The following PDE4D variants were observed in gnomAD, a reference collection of about 807,000 sequenced individuals.
PDE4D encodes 3',5'-cyclic-AMP phosphodiesterase 4D.
PDE4D carries 24 observed loss-of-function variants against 87.4 expected under a neutral mutation model. That is an observed-to-expected ratio of 0.27 (90% CI 0.20 to 0.39). The LOEUF (loss-of-function observed/expected upper bound fraction) is 0.39. PDE4D is among the 10% of genes least tolerant of loss of function. The pLI is 1.00. For synonymous variants in PDE4D, 384 were observed against 383.2 expected (o/e 1.00, Z -0.02); for missense variants, 714 against 1,041.0 (o/e 0.69, Z 4.32).
intron 1 of PDE4D, among the ~76,000 whole-genome samples, chr5:59,335,016 C>T (rs1309353619): frequency 6.6e-6 from 1 of 152,126 alleles, no homozygotes; most frequent in Non-Finnish European, 1.5e-5. Context: ...TTCCAGCAGC[C>T]TTGATTTCCC....
intron 1 of PDE4D, among the ~76,000 whole-genome samples, chr5:59,223,607 A>G (rs571338348): frequency 6.6e-6 from 1 of 152,234 alleles, no homozygotes; most frequent in East Asian, 1.9e-4. Flanking sequence ...AAGGTTATGA[A>G]GCTCGTTTCT....
chr5:59,079,883 A>AGGAGAGG (rs1441650894), intron 5 of PDE4D, among the ~76,000 whole-genome samples: 1 of 102,112 alleles, frequency 9.8e-6, no homozygotes, highest in Non-Finnish European at 2.1e-5. Context: ...AGGAGAGGAG[A>AGGAGAGG]AGGGGAATGG....
At chr5:60,320,600 G>C (rs965163734) in intron 1 of PDE4D, among the ~76,000 whole-genome samples, 1 of 152,144 alleles carries the variant, frequency 6.6e-6, no homozygotes, top group Non-Finnish European at 1.5e-5. Context: ...GACTGGAGCT[G>C]TTCCTATTCA....
chr5:60,517,561 G>A (rs747304792), intron 1 of PDE4D, among the ~76,000 whole-genome samples: 5 of 152,206 alleles, frequency 3.3e-5, no homozygotes, highest in Non-Finnish European at 5.9e-5. Flanking sequence ...CCTGCAGAGA[G>A]GAGCTACCCA....
intron 1 of PDE4D, among the ~76,000 whole-genome samples, chr5:60,303,280 T>C (rs964036410): frequency 4.0e-5 from 6 of 151,818 alleles, no homozygotes; most frequent in African/African-American, 1.5e-4. Flanking sequence ...TCAATTGCCA[T>C]GTAATTGTGT....
At chr5:59,401,566 AG>A in intron 1 of PDE4D, among the ~76,000 whole-genome samples, 1 of 151,978 alleles carries the variant, frequency 6.6e-6, no homozygotes, top group South Asian at 2.1e-4. Flanking sequence ...TGCAATTGAG[AG>A]ATGAGCTTTA....
intron 1 of PDE4D, among the ~76,000 whole-genome samples, chr5:59,254,357 C>A (rs1386907239): frequency 6.6e-6 from 1 of 152,060 alleles, no homozygotes; most frequent in Admixed American, 6.6e-5. Context: ...TTGAATAAAA[C>A]ATTTAAGAAA....
chr5:59,259,400 T>C (rs1002351756), intron 1 of PDE4D, among the ~76,000 whole-genome samples: 4 of 151,980 alleles, frequency 2.6e-5, no homozygotes, highest in African/African-American at 7.2e-5. Context: ...GGAATTTTAA[T>C]AGCTCAGCTC....
intron 5 of PDE4D, among the ~76,000 whole-genome samples, chr5:59,074,341 C>A (rs1190290123): frequency 6.6e-6 from 1 of 151,752 alleles, no homozygotes; most frequent in Admixed American, 6.6e-5. Context: ...GTGCAGAGCC[C>A]TAGACTAGAA....
chr5:59,910,847 C>A (rs1753361523), intron 3 of PDE4D, among the ~76,000 whole-genome samples: 1 of 152,172 alleles, frequency 6.6e-6, no homozygotes, highest in Non-Finnish European at 1.5e-5. Context: ...GCAGTAGAAT[C>A]CTTGGGGTAG....
At chr5:60,457,658 C>A (rs1288173815) in intron 1 of PDE4D, among the ~76,000 whole-genome samples, 2 of 152,086 alleles carry the variant, frequency 1.3e-5, no homozygotes, top group Non-Finnish European at 2.9e-5. Flanking sequence ...GATAGGAAAC[C>A]CTTGAAGTCC....
intron 1 of PDE4D, among the ~76,000 whole-genome samples, chr5:59,722,463 C>T (rs1268547424): frequency 6.6e-6 from 1 of 152,188 alleles, no homozygotes; most frequent in African/African-American, 2.4e-5. Flanking sequence ...TCTTCATTGT[C>T]ACACATTTTC....
chr5:60,280,313 C>T (rs909773106), intron 1 of PDE4D, among the ~76,000 whole-genome samples: 5 of 121,764 alleles, frequency 4.1e-5, no homozygotes, highest in East Asian at 6.4e-4. Context: ...TATATACATA[C>T]ATATATATAT....
intron 1 of PDE4D, among the ~76,000 whole-genome samples, chr5:59,760,781 T>G (rs1456926822): frequency 2.6e-5 from 4 of 152,230 alleles, no homozygotes; most frequent in African/African-American, 9.6e-5. Flanking sequence ...TATTTCACTA[T>G]GTAGCCTAAA....
intron 1 of PDE4D, among the ~76,000 whole-genome samples, chr5:59,429,255 C>G (rs1216140297): frequency 6.6e-6 from 1 of 152,212 alleles, no homozygotes; most frequent in East Asian, 1.9e-4. Context: ...TTAGGACACA[C>G]TTTTCTGAAT....
intron 1 of PDE4D, among the ~76,000 whole-genome samples, chr5:60,368,624 CACCCAAAT>C (rs1004002811): frequency 6.6e-6 from 1 of 152,140 alleles, no homozygotes; most frequent in Non-Finnish European, 1.5e-5. Flanking sequence ...TCTATGTCCC[CACCCAAAT>C]CTCATGTTGA....
At chr5:59,009,001 A>G (rs945258667) in intron 6 of PDE4D, among the ~76,000 whole-genome samples, 3 of 152,144 alleles carry the variant, frequency 2.0e-5, no homozygotes, top group African/African-American at 7.2e-5. Flanking sequence ...TAGGGAAACA[A>G]AAAGTAAAAC....
chr5:60,251,910 A>G (rs1197629483), intron 1 of PDE4D, among the ~76,000 whole-genome samples: 4 of 151,916 alleles, frequency 2.6e-5, no homozygotes, highest in Non-Finnish European at 4.4e-5. Context: ...CATTCATGGT[A>G]AGTGTCCTAT....
At chr5:58,993,345 A>C in intron 7 of PDE4D, 27 bp downstream of exon 7, 2 of 1,371,920 alleles carry the variant, frequency 1.5e-6, no homozygotes, top group South Asian at 2.8e-5. Flanking sequence ...TGAAGAAAAA[A>C]ATTTAATTGC....
Sources: gnomAD v4.1 joint callset for allele counts (sites outside exome capture counted in the v4.1 genomes callset) on GRCh38, gnomAD v4.1.1 for gene constraint, MANE v1.5 for transcripts, NCBI Gene and HGNC (gene_info 2026-07-23, HGNC 2026-07-21) for gene names.